The following CLEC19A variants were observed in gnomAD, a reference collection of about 807,000 sequenced individuals.
CLEC19A encodes C-type lectin domain family 19 member A.
A neutral mutation model predicts 26.1 loss-of-function variants in CLEC19A; 21 were observed. The ratio of observed to expected loss-of-function variants is 0.80; its 90% CI spans 0.57 to 1.16. The LOEUF is 1.16. Among genes scored for constraint, CLEC19A ranks in the 50% most tolerant of loss-of-function variants. CLEC19A has a pLI of 0.00. For missense variants in CLEC19A, 224 were observed against 227.6 expected (o/e 0.98, Z 0.10); for synonymous variants, 89 against 88.6 (o/e 1.00, Z -0.03).
chr16:19,291,517 T>C (rs1270235100), intron 1 of CLEC19A, among the ~76,000 whole-genome samples: 1 of 152,186 alleles, frequency 6.6e-6, no homozygotes, highest in Non-Finnish European at 1.5e-5. Context: ...AGATTGAGTG[T>C]ATTTTTCTGT....
Position 19,301,736 on chromosome 16 carries a change from G to GTTTTTTTTTTT in CLEC19A, c.255-2308_255-2298dup, listed in dbSNP as rs1171248968. Among the ~76,000 whole-genome samples the GTTTTTTTTTTT allele has an allele frequency of 8.8e-3, 712 of 81,338 alleles. 11 individuals are homozygous for GTTTTTTTTTTT. The highest frequency in any genetic ancestry group is 0.012 in the Non-Finnish European group (513 of 43,114). 53.4% of individuals were successfully genotyped at this position (81,338 alleles called of 152,430 possible). ...ATGACACCATGCCCAGGTTTTTTTGGTTTTTTTTTTTTTTTTTTTTTTTTT... is the reference window on the plus strand; with the variant it reads ...ATGACACCATGCCCAGGTTTTTTTGGTTTTTTTTTTTTTTTTTTTTTTTTTTTTTTTTTTTT... On this transcript the variant is annotated intron_variant, in intron 2 of 4. Transcript: ENST00000636231.
chr16:19,308,730 C>T (rs1226450108), intron 4 of CLEC19A, among the ~76,000 whole-genome samples: 1 of 152,150 alleles, frequency 6.6e-6, no homozygotes, highest in Non-Finnish European at 1.5e-5. Flanking sequence ...TAGAGAACAG[C>T]TTATTTTCCT....
At chr16:19,290,520 G>C (rs986116716) in intron 1 of CLEC19A, among the ~76,000 whole-genome samples, 1 of 152,138 alleles carries the variant, frequency 6.6e-6, no homozygotes, top group Non-Finnish European at 1.5e-5. Flanking sequence ...CATCCTCCGG[G>C]TCTCAGTTGA....
intron 1 of CLEC19A, among the ~76,000 whole-genome samples, chr16:19,292,486 C>T (rs1385778968): frequency 6.6e-6 from 1 of 152,202 alleles, no homozygotes; most frequent in Non-Finnish European, 1.5e-5. Context: ...ACAGCCTTCT[C>T]ACCATTTTCC....
intron 1 of CLEC19A, among the ~76,000 whole-genome samples, chr16:19,298,345 G>A (rs952840103): frequency 6.6e-5 from 10 of 151,718 alleles, no homozygotes; most frequent in African/African-American, 2.4e-4. Flanking sequence ...GAGCCCTGGA[G>A]TTCAAGACCA....
At position 19,304,014 on chromosome 16, in the gene CLEC19A, T is replaced by C. The variant is rs1386175436; in HGVS notation, c.255-48T>C. 11 of 1,460,048 alleles carry C rather than the reference T, an allele frequency of 7.5e-6. No individual in the cohort carries two copies. In the Admixed American group the frequency reaches 1.0e-4, roughly 14 times the overall value. 90.4% of individuals were successfully genotyped at this position (1,460,048 alleles called of 1,614,324 possible). A position where few individuals can be genotyped will look rare whatever the true frequency, so the allele number is the denominator to read the frequency against. ...GCTTTCAATTTTTGACTCCATCCTATGAAAAGAGGCCATGAGGAATCAGCT... is the reference window on the plus strand; with the variant it reads ...GCTTTCAATTTTTGACTCCATCCTACGAAAAGAGGCCATGAGGAATCAGCT... On this transcript the variant is annotated intron_variant, in intron 2 of 4. Transcript: ENST00000636231.
intron 1 of CLEC19A, among the ~76,000 whole-genome samples, chr16:19,291,092 C>T (rs1007012026): frequency 3.3e-5 from 5 of 152,232 alleles, no homozygotes; most frequent in African/African-American, 1.2e-4. Context: ...ATCCTCCTGC[C>T]TTTGCCTCCC....
At chr16:19,306,370 C>A (rs1204579058) in intron 3 of CLEC19A, among the ~76,000 whole-genome samples, 3 of 151,832 alleles carry the variant, frequency 2.0e-5, no homozygotes, top group Non-Finnish European at 2.9e-5. Flanking sequence ...TTGTCTCTAA[C>A]TTCTGGCTCC....
At chr16:19,307,332 A>T (rs772303584) in intron 3 of CLEC19A, among the ~76,000 whole-genome samples, 3 of 152,244 alleles carry the variant, frequency 2.0e-5, no homozygotes, top group Non-Finnish European at 2.9e-5. Flanking sequence ...ATGGCACATA[A>T]TAAGCCCTCA....
intron 1 of CLEC19A, among the ~76,000 whole-genome samples, chr16:19,293,849 C>T (rs753344423): frequency 3.9e-5 from 6 of 152,138 alleles, no homozygotes; most frequent in Non-Finnish European, 8.8e-5. Flanking sequence ...ATAATCACAT[C>T]AAGGTAAATG....
rs1898054322 is a variant in CLEC19A at position 19,310,779 on chromosome 16, G to A, written c.*1696G>A. The stretch of plus-strand genomic sequence containing the variant: ...TGGATTAGTGGTTGCCAGGGGATGT[G>A]TGGAGGGGGAATAGAAAGTGAGTGC... On this transcript the variant is annotated 3_prime_UTR_variant, in exon 5 of 5. Transcript: ENST00000636231. 6.6e-6 allele frequency: 1 copy of A among 152,256 alleles called. No homozygotes were observed. Among genetic ancestry groups the A allele is most frequent in the Non-Finnish European group, 1.5e-5 (1 of 68,078 alleles). 9.4% of individuals were successfully genotyped at this position (152,256 alleles called of 1,614,324 possible). A position where few individuals can be genotyped will look rare whatever the true frequency, so the allele number is the denominator to read the frequency against.
At chr16:19,300,392 CA>C (rs1897794700) in intron 2 of CLEC19A, among the ~76,000 whole-genome samples, 1 of 150,832 alleles carries the variant, frequency 6.6e-6, no homozygotes, top group African/African-American at 2.4e-5. Flanking sequence ...CTACAAAAAA[CA>C]AAAAATTAGC....
intron 4 of CLEC19A, among the ~76,000 whole-genome samples, 181 bp from the exon 5 acceptor site, chr16:19,308,823 C>T (rs1898008427): frequency 6.6e-6 from 1 of 152,182 alleles, no homozygotes; most frequent in African/African-American, 2.4e-5. Context: ...GGTGACAAGC[C>T]AGAATCAGCT....
intron 1 of CLEC19A, among the ~76,000 whole-genome samples, chr16:19,286,652 G>A (rs1897475810): frequency 6.6e-6 from 1 of 152,218 alleles, no homozygotes; most frequent in Non-Finnish European, 1.5e-5. Flanking sequence ...GAAGAGTTCT[G>A]AATCCTATAA....
intron 2 of CLEC19A, among the ~76,000 whole-genome samples, chr16:19,302,780 G>A (rs1012997319): frequency 2.0e-5 from 3 of 152,178 alleles, no homozygotes; most frequent in African/African-American, 7.2e-5. Context: ...ATGGGCCCTG[G>A]ATGAGCAGTT....
At chr16:19,298,417 T>C (rs1897749709) in intron 1 of CLEC19A, among the ~76,000 whole-genome samples, 1 of 151,100 alleles carries the variant, frequency 6.6e-6, no homozygotes, top group Admixed American at 6.6e-5. Flanking sequence ...AATCAAAAAA[T>C]GTAGGCAAGC....
chr16:19,298,530 C>T (rs941399166), intron 1 of CLEC19A, 143 bp from the exon 2 acceptor site: 1 of 805,914 alleles, frequency 1.2e-6, no homozygotes, highest in Non-Finnish European at 1.9e-6. Flanking sequence ...CAAACCACTG[C>T]ACTTCAGCCT....
At chr16:19,306,872 A>C (rs974384183) in intron 3 of CLEC19A, among the ~76,000 whole-genome samples, 1 of 152,120 alleles carries the variant, frequency 6.6e-6, no homozygotes, top group African/African-American at 2.4e-5. Flanking sequence ...TTCCCATTAC[A>C]TGACGTAGGC....
At position 19,310,295 on chromosome 16, in the gene CLEC19A, C is replaced by T. The variant is rs1307152249; in HGVS notation, c.*1212C>T. On this transcript the variant is annotated 3_prime_UTR_variant, in exon 5 of 5. Coordinates refer to ENST00000636231, the MANE Select transcript of CLEC19A (RefSeq NM_001256720.2). ...ATCAGCCTGGGCAACATAGTAAGAC[C>T]CCATCTCCATAAGAAAAATTTTTTA... The T allele has an allele frequency of 6.6e-6, 1 of 151,962 alleles. No individual in the cohort carries two copies. Among genetic ancestry groups the T allele is most frequent in the African/African-American group, 2.4e-5 (1 of 41,368 alleles). 9.4% of individuals were successfully genotyped at this position (151,962 alleles called of 1,614,324 possible). A position where few individuals can be genotyped will look rare whatever the true frequency, so the allele number is the denominator to read the frequency against.
Sources: gnomAD v4.1 joint callset for allele counts (sites outside exome capture counted in the v4.1 genomes callset) on GRCh38, gnomAD v4.1.1 for gene constraint, MANE v1.5 for transcripts, NCBI Gene and HGNC (gene_info 2026-07-23, HGNC 2026-07-21) for gene names.